Variants in CNTNAP5 observed in about 807,000 individuals in gnomAD.
CNTNAP5 encodes the protein contactin-associated protein-like 5.
Under a neutral mutation model 150.2 loss-of-function variants are expected in CNTNAP5, and 72 were observed. That is an observed-to-expected ratio of 0.48 (90% CI 0.40 to 0.58). The LOEUF is 0.58. CNTNAP5 is among the 20% of genes least tolerant of loss of function. The pLI, the probability that CNTNAP5 is intolerant of heterozygous loss-of-function variation, is 0.00. For synonymous variants in CNTNAP5, 672 were observed against 619.8 expected, an observed-to-expected ratio of 1.08 and a Z score of -1.25; for missense variants, 1,636 against 1,626.2, an observed-to-expected ratio of 1.01 and a Z score of -0.10.
At chr2:124,565,122 A>G (rs1232717692) in intron 11 of CNTNAP5, among the ~76,000 whole-genome samples, 2 of 152,168 alleles carry the variant, frequency 1.3e-5, no homozygotes, top group Non-Finnish European at 2.9e-5. Flanking sequence ...AGCCTCTTCC[A>G]TTCCTTCAAA....
At chr2:124,607,792 G>C (rs1398746940) in intron 11 of CNTNAP5, among the ~76,000 whole-genome samples, 2 of 152,150 alleles carry the variant, frequency 1.3e-5, no homozygotes, top group Non-Finnish European at 2.9e-5. Context: ...TGTCATCCCG[G>C]GAATGTGGGA....
At chr2:124,814,765 G>C (rs574363800) in intron 19 of CNTNAP5, among the ~76,000 whole-genome samples, 1 of 152,142 alleles carries the variant, frequency 6.6e-6, no homozygotes, top group East Asian at 1.9e-4. Flanking sequence ...AAAAGTTGCA[G>C]ATAATAAAAA....
intron 19 of CNTNAP5, among the ~76,000 whole-genome samples, chr2:124,829,279 C>T (rs893553378): frequency 6.6e-6 from 1 of 152,104 alleles, no homozygotes; most frequent in Non-Finnish European, 1.5e-5. Context: ...ACAAGATCCC[C>T]CCTTTGATCA....
At position 124,446,907 on chromosome 2, in the gene CNTNAP5, C is replaced by T. The variant is rs776009379; in HGVS notation, c.888C>T (p.Gly296=). Residue 296 remains glycine, a synonymous_variant, in exon 6 of 24, where the codon GGC becomes GGT. Coordinates refer to ENST00000682447, the MANE Select transcript of CNTNAP5 (RefSeq NM_001367498.1). ...ACACACAGCACTTCCGCACCAAGGG[C>T]GAGACGGATGCCTTAGACATTGACT... ...DKHTQHFRTK[G]ETDALDIDYE... The T allele has an allele frequency of 1.1e-5, 18 of 1,613,608 alleles. No homozygotes were observed. Among genetic ancestry groups the T allele is most frequent in the East Asian group, 8.9e-5 (4 of 44,862 alleles).
At chr2:124,849,287 A>C (rs2104701495) in intron 19 of CNTNAP5, among the ~76,000 whole-genome samples, 1 of 152,228 alleles carries the variant, frequency 6.6e-6, no homozygotes, top group South Asian at 2.1e-4. Flanking sequence ...TTGATCACAA[A>C]TGTATAGGTT....
chr2:124,311,988 G>A (rs557816204), intron 3 of CNTNAP5, among the ~76,000 whole-genome samples: 15 of 152,284 alleles, frequency 9.9e-5, no homozygotes, highest in Admixed American at 7.2e-4. Flanking sequence ...CCAGGGAATC[G>A]TGAAATAATG....
At chr2:124,655,935 GAGAGAGAGAGAGAAAGAAAGAA>G (rs931833676) in intron 13 of CNTNAP5, among the ~76,000 whole-genome samples, 8 of 91,662 alleles carry the variant, frequency 8.7e-5, no homozygotes, top group African/African-American at 3.6e-4. Context: ...GAGAGAGAGA[GAGAGAGAGAGAGAAAGAAAGAA>G]AGAAAGAAAG....
chr2:124,125,912 C>T (rs573428458), intron 1 of CNTNAP5, among the ~76,000 whole-genome samples: 1 of 152,144 alleles, frequency 6.6e-6, no homozygotes, highest in African/African-American at 2.4e-5. Context: ...ACATTTAAAG[C>T]AGTATGTAGA....
chr2:124,882,267 A>G (rs1677978941), intron 21 of CNTNAP5, among the ~76,000 whole-genome samples: 1 of 151,982 alleles, frequency 6.6e-6, no homozygotes, highest in African/African-American at 2.4e-5. Flanking sequence ...AGAATGAACC[A>G]CTCAGCCCAC....
At chr2:124,821,815 A>G (rs909448035) in intron 19 of CNTNAP5, among the ~76,000 whole-genome samples, 9 of 152,206 alleles carry the variant, frequency 5.9e-5, no homozygotes, top group African/African-American at 1.9e-4. Context: ...CTGACTCCCA[A>G]TTTCTGGGGA....
At chr2:124,280,432 A>C (rs1377525253) in intron 3 of CNTNAP5, among the ~76,000 whole-genome samples, 1 of 152,114 alleles carries the variant, frequency 6.6e-6, no homozygotes, top group Non-Finnish European at 1.5e-5. Flanking sequence ...GGCCTCCCAA[A>C]GTGCTGGGAT....
chr2:124,838,494 A>G (rs1490765432), intron 19 of CNTNAP5, among the ~76,000 whole-genome samples: 1 of 152,154 alleles, frequency 6.6e-6, no homozygotes, highest in Non-Finnish European at 1.5e-5. Context: ...GAAAGAACAT[A>G]GTTTTTATTA....
chr2:124,668,528 C>A (rs1293209855), intron 13 of CNTNAP5, among the ~76,000 whole-genome samples: 1 of 152,160 alleles, frequency 6.6e-6, no homozygotes, highest in African/African-American at 2.4e-5. Context: ...CAAGCTCCAT[C>A]CTATCTTCAC....
rs3034760 is a variant in CNTNAP5 at position 124,400,689 on chromosome 2, GT to G, written c.382-16746del. Among the ~76,000 whole-genome samples, 98 of 95,658 alleles carry G rather than the reference GT, an allele frequency of 1.0e-3. 1 individual carries two copies. The highest frequency in any genetic ancestry group is 1.3e-3 in the Non-Finnish European group (61 of 45,916). The allele number at this position is 95,658 out of a possible 152,430, so 62.8% of individuals were successfully genotyped here. A position where few individuals can be genotyped will look rare whatever the true frequency, so the allele number is the denominator to read the frequency against. ...GCATTGTTTTTTTTTTTTTTTTTTT[GT>G]TTTTTTTCTTTAGTGGAATGTGAAA... is the stretch of plus-strand genomic sequence containing the variant. On this transcript the variant is annotated intron_variant, in intron 3 of 23. Coordinates refer to ENST00000682447, the MANE Select transcript of CNTNAP5 (RefSeq NM_001367498.1).
chr2:124,172,287 TA>T (rs768500630), intron 1 of CNTNAP5, among the ~76,000 whole-genome samples: 102 of 152,330 alleles, frequency 6.7e-4, no homozygotes, highest in Admixed American at 1.2e-3. Context: ...TGTCTGATTA[TA>T]AAAGTGAGAC....
chr2:124,245,287 T>G (rs1310269505), intron 3 of CNTNAP5, among the ~76,000 whole-genome samples: 4 of 152,158 alleles, frequency 2.6e-5, no homozygotes, highest in Non-Finnish European at 5.9e-5. Context: ...GAAATTTGCC[T>G]TGTGGCTAAC....
intron 1 of CNTNAP5, among the ~76,000 whole-genome samples, chr2:124,174,214 T>C (rs1400527398): frequency 6.6e-6 from 1 of 152,202 alleles, no homozygotes; most frequent in Non-Finnish European, 1.5e-5. Flanking sequence ...TAGTGTGTTT[T>C]CATGTCTGCT....
chr2:124,715,559 A>G lies in CNTNAP5; in HGVS notation c.2078-31670A>G, dbSNP rs574283762. On this transcript the variant is annotated intron_variant, in intron 13 of 23. Transcript: ENST00000682447. ...TTAAGTTCTAGGGTACATGTGCACA[A>G]TGTGCAGGTTTGTTACATATGTATA... is the stretch of plus-strand genomic sequence containing the variant. Among the ~76,000 whole-genome samples, 384 of 152,264 alleles carry G rather than the reference A, an allele frequency of 2.5e-3. 1 individual carries two copies. The highest frequency in any genetic ancestry group is 3.2e-4 in the Non-Finnish European group (22 of 68,012).
At chr2:124,030,278 T>A (rs1389637626) in intron 1 of CNTNAP5, among the ~76,000 whole-genome samples, 1 of 152,172 alleles carries the variant, frequency 6.6e-6, no homozygotes, top group Admixed American at 6.5e-5. Flanking sequence ...GGGTTTTAAT[T>A]CTTACCAACT....
Sources: gnomAD v4.1 joint callset for allele counts (sites outside exome capture counted in the v4.1 genomes callset) on GRCh38, gnomAD v4.1.1 for gene constraint, MANE v1.5 for transcripts, NCBI Gene and HGNC (gene_info 2026-07-23, HGNC 2026-07-21) for gene names.